Variants in MDGA2 observed in about 807,000 individuals in gnomAD.
The protein encoded by MDGA2 is MAM domain containing glycosylphosphatidylinositol anchor 2.
MDGA2 carries 40 observed loss-of-function variants against 117.8 expected under a neutral mutation model. The ratio of observed to expected loss-of-function variants is 0.34; its 90% confidence interval spans 0.26 to 0.44. MDGA2 has a LOEUF of 0.44. Among genes scored for constraint, MDGA2 ranks in the 20% least tolerant of loss-of-function variants. The pLI is 1.00. For synonymous variants in MDGA2, 452 were observed against 439.0 expected, an observed-to-expected ratio of 1.03 and a Z score of -0.37; for missense variants, 1,123 against 1,250.6, an observed-to-expected ratio of 0.90 and a Z score of 1.54.
chr14:47,023,010 A>C (rs1308312668), intron 8 of MDGA2, among the ~76,000 whole-genome samples: 1 of 152,066 alleles, frequency 6.6e-6, no homozygotes, highest in East Asian at 1.9e-4. Flanking sequence ...TCTGGGTGAG[A>C]GACAAAGGGG....
chr14:47,266,591 C>G (rs1331115290), intron 2 of MDGA2, among the ~76,000 whole-genome samples: 1 of 152,200 alleles, frequency 6.6e-6, no homozygotes, highest in Non-Finnish European at 1.5e-5. Flanking sequence ...GAGGACTCAA[C>G]TCCAAAGTCC....
intron 6 of MDGA2, among the ~76,000 whole-genome samples, chr14:47,088,667 T>C (rs1031566502): frequency 6.6e-6 from 1 of 152,164 alleles, no homozygotes; most frequent in African/African-American, 2.4e-5. Context: ...TTCTGATTAA[T>C]AGCTTAAGAT....
chr14:47,273,074 C>G (rs1888200634), intron 2 of MDGA2, among the ~76,000 whole-genome samples: 1 of 152,016 alleles, frequency 6.6e-6, no homozygotes, highest in South Asian at 2.1e-4. Context: ...TTTTTAGTCC[C>G]TGATAAGCAG....
At chr14:47,115,021 G>C (rs1256086021) in intron 5 of MDGA2, among the ~76,000 whole-genome samples, 2 of 150,450 alleles carry the variant, frequency 1.3e-5, no homozygotes, top group South Asian at 2.1e-4. Flanking sequence ...TTTTGCTTAT[G>C]CTTTTACGGT....
At chr14:47,623,760 G>A (rs1020112118) in intron 1 of MDGA2, among the ~76,000 whole-genome samples, 1 of 152,106 alleles carries the variant, frequency 6.6e-6, no homozygotes, top group African/African-American at 2.4e-5. Context: ...CCCAATGTGA[G>A]TTTGTAATGG....
At chr14:47,185,997 ATCAGTAATATGTGTACATATGT>A (rs1884895625) in intron 3 of MDGA2, among the ~76,000 whole-genome samples, 1 of 151,636 alleles carries the variant, frequency 6.6e-6, no homozygotes, top group Non-Finnish European at 1.5e-5. Context: ...ATACATAAAA[ATCAGTAATATGTGTACATATGT>A]TCATACCATC....
At chr14:47,213,907 A>T (rs1885980485) in intron 3 of MDGA2, among the ~76,000 whole-genome samples, 1 of 152,204 alleles carries the variant, frequency 6.6e-6, no homozygotes, top group Non-Finnish European at 1.5e-5. Flanking sequence ...GCAAAGAGAA[A>T]GCAAGGCACC....
intron 1 of MDGA2, among the ~76,000 whole-genome samples, chr14:47,593,441 C>T (rs774664778): frequency 3.3e-5 from 5 of 152,062 alleles, no homozygotes; most frequent in African/African-American, 4.8e-5. Context: ...TTTGTTCACG[C>T]CACGCTATTC....
chr14:46,886,085 T>C (rs1882663405), intron 10 of MDGA2, among the ~76,000 whole-genome samples: 1 of 152,200 alleles, frequency 6.6e-6, no homozygotes, highest in Non-Finnish European at 1.5e-5. Context: ...CAAAGAAATA[T>C]AAGCAATCCA....
chr14:47,510,911 A>C (rs759517018), intron 1 of MDGA2, among the ~76,000 whole-genome samples: 7 of 141,234 alleles, frequency 5.0e-5, no homozygotes, highest in Non-Finnish European at 1.1e-4. Context: ...ATCTCAGCTC[A>C]AATGTTTTTT....
chr14:47,436,375 C>T (rs896696844), intron 1 of MDGA2, among the ~76,000 whole-genome samples: 27 of 152,080 alleles, frequency 1.8e-4, no homozygotes, highest in Non-Finnish European at 7.4e-5. Flanking sequence ...CATAATGTTA[C>T]ATGTAGCTAG....
intron 8 of MDGA2, among the ~76,000 whole-genome samples, chr14:47,003,636 A>AT (rs748170630): frequency 6.6e-5 from 10 of 151,744 alleles, no homozygotes; most frequent in East Asian, 1.9e-4. Flanking sequence ...TATATTGCTC[A>AT]TTTTTTTTAT....
intron 2 of MDGA2, among the ~76,000 whole-genome samples, chr14:47,248,243 C>A (rs780601219): frequency 1.3e-4 from 19 of 150,958 alleles, no homozygotes; most frequent in Non-Finnish European, 2.5e-4. Flanking sequence ...ATATATTATA[C>A]AAGGAGTAGG....
chr14:47,480,068 T>G (rs1263056915), intron 1 of MDGA2, among the ~76,000 whole-genome samples: 1 of 121,366 alleles, frequency 8.2e-6, no homozygotes, highest in Non-Finnish European at 1.9e-5. Flanking sequence ...AATAATGTGG[T>G]TCCTTTACAA....
chr14:46,879,517 A>C (rs1406372968), intron 11 of MDGA2, among the ~76,000 whole-genome samples: 1 of 151,350 alleles, frequency 6.6e-6, no homozygotes, highest in Admixed American at 6.6e-5. Flanking sequence ...GTATGTAAAA[A>C]CAATTTTGAA....
intron 3 of MDGA2, among the ~76,000 whole-genome samples, chr14:47,177,048 A>G (rs1482215246): frequency 1.3e-5 from 2 of 152,092 alleles, no homozygotes; most frequent in East Asian, 3.9e-4. Context: ...AACACATGAA[A>G]AAATGCTCAC....
At position 46,930,123 on chromosome 14, in the gene MDGA2, A is replaced by AC. The variant is rs561841447; in HGVS notation, c.2090-9964dup. Among the ~76,000 whole-genome samples, 47 of 151,882 alleles carry AC rather than the reference A, an allele frequency of 3.1e-4. No homozygotes were observed. In the South Asian group the frequency reaches 9.4e-3, roughly 30 times the overall value. On this transcript the variant is annotated intron_variant, in intron 9 of 16. Coordinates refer to ENST00000399232, the MANE Select transcript of MDGA2 (RefSeq NM_001113498.3). ...TGCAACACCCAAAGAAGAAAAAAAA[A>AC]CTGAAAAGATTGAGAAGTTCAATAT...
intron 8 of MDGA2, among the ~76,000 whole-genome samples, chr14:46,963,803 A>T (rs889953910): frequency 1.3e-5 from 2 of 152,206 alleles, no homozygotes; most frequent in African/African-American, 4.8e-5. Flanking sequence ...AAATTCTCCA[A>T]TCATTGTTGC....
intron 9 of MDGA2, among the ~76,000 whole-genome samples, chr14:46,924,785 G>C (rs540182842): frequency 3.4e-4 from 51 of 152,164 alleles, no homozygotes; most frequent in African/African-American, 1.2e-3. Flanking sequence ...AATGCTAGAT[G>C]AAATTATGCC....
Sources: allele counts gnomAD v4.1 joint callset (sites outside exome capture counted in the v4.1 genomes callset), GRCh38; gene constraint gnomAD v4.1.1; transcripts MANE v1.5; gene names NCBI Gene and HGNC (gene_info 2026-07-23, HGNC 2026-07-21).